ZNF699: variants seen among roughly 807,000 people sequenced by gnomAD.
The protein encoded by ZNF699 is hangover homolog.
Under a neutral mutation model 22.5 loss-of-function variants are expected in ZNF699, and 18 were observed. The observed-to-expected ratio is 0.80, with a 90% confidence interval of 0.55 to 1.19. The LOEUF is 1.19. ZNF699 is among the 50% of genes most tolerant of loss of function. The pLI is 0.00. For missense variants in ZNF699, 670 were observed against 763.4 expected (o/e 0.88, Z 1.44); for synonymous variants, 241 against 262.3 (o/e 0.92, Z 0.78).
chr19:9,303,506 A>G (rs905387261), intron 2 of ZNF699, among the ~76,000 whole-genome samples: 2 of 152,212 alleles, frequency 1.3e-5, no homozygotes, highest in African/African-American at 2.4e-5. Flanking sequence ...GTATGCTGGG[A>G]AGGGGTGCAG....
In ZNF699 at chr19:9,302,493, GACT is replaced by G. The variant is rs747191880; in HGVS notation, c.57_59del (p.Val20del). On this transcript the variant is annotated inframe_deletion, in exon 3 of 6. Coordinates refer to ENST00000591998, the MANE Select transcript of ZNF699 (RefSeq NM_198535.3). ...TAAAGTCCACAGCCACATCCTCAAA[GACT>G]ACTGAGTCCTAAAACATACCACAAA... 4 of 1,612,576 alleles carry G rather than the reference GACT, an allele frequency of 2.5e-6. No individual in the cohort carries two copies. The highest frequency in any genetic ancestry group is 1.3e-5 in the African/African-American group (1 of 74,834).
intron 2 of ZNF699, 138 bp downstream of exon 2, chr19:9,304,934 A>AC (rs2066321805): frequency 9.9e-6 from 6 of 606,214 alleles, no homozygotes; most frequent in Admixed American, 3.7e-5. Flanking sequence ...AAAAAAAAAA[A>AC]AAAAAACTAT....
At chr19:9,300,798 G>C (rs1159069770) in intron 3 of ZNF699, among the ~76,000 whole-genome samples, 1 of 152,044 alleles carries the variant, frequency 6.6e-6, no homozygotes, top group Non-Finnish European at 1.5e-5. Context: ...AGGGAAGGAG[G>C]GATGAATTGA....
rs2066323013 is a variant in ZNF699, at chr19:9,305,205, C to T, written c.-5-81G>A. On this transcript the variant is annotated intron_variant, in intron 1 of 5. Coordinates refer to ENST00000591998, the MANE Select transcript of ZNF699 (RefSeq NM_198535.3). ...AATCCAGACCTCCCCAAAATTCCCA[C>T]ACTCATGAGCCTGGATGTTGCAGCC... is the stretch of plus-strand genomic sequence containing the variant. The T allele has an allele frequency of 4.3e-6, 5 of 1,157,924 alleles. No individual in the cohort carries two copies. In the Admixed American group the frequency reaches 9.2e-5, roughly 21 times the overall value. 71.7% of individuals were successfully genotyped at this position (1,157,924 alleles called of 1,614,324 possible). A position where few individuals can be genotyped will look rare whatever the true frequency, so the allele number is the denominator to read the frequency against.
chr19:9,297,127 A>G lies in ZNF699; in HGVS notation c.470+169T>C, dbSNP rs1192922148. 1.3e-5 allele frequency among the ~76,000 whole-genome samples: 2 copies of G among 152,222 alleles called. No homozygotes were observed. The highest frequency in any genetic ancestry group is 2.9e-5 in the Non-Finnish European group (2 of 68,044). On this transcript the variant is annotated intron_variant, in intron 5 of 5. Coordinates refer to ENST00000591998, the MANE Select transcript of ZNF699 (RefSeq NM_198535.3). The surrounding 1 kb of genome is among the most constrained non-coding windows in gnomAD (Gnocchi z 4.3). ...TTTACAACTGAAGTATGTGTCAAAC[A>G]TTCAAAATCCCGGTCTCATTTGTGG...
chr19:9,304,643 C>T (rs760649452), intron 2 of ZNF699, among the ~76,000 whole-genome samples: 1 of 152,090 alleles, frequency 6.6e-6, no homozygotes. Flanking sequence ...ACACTACGGC[C>T]GGCCGGGCAC....
At chr19:9,302,260 T>C in intron 3 of ZNF699, 118 bp downstream of exon 3, 1 of 1,212,172 alleles carries the variant, frequency 8.2e-7, no homozygotes, top group Non-Finnish European at 1.2e-6. Flanking sequence ...TCAGTGACCA[T>C]ATCTGTCTTA....
Position 9,294,002 on chromosome 19 carries a change from G to C in ZNF699, c.*1473C>G, listed in dbSNP as rs2066275869. ...TATAAATCTTCCTCCATTAAAACAG[G>C]ATGATACCCTGTGGATGCTTACCTC... is the stretch of plus-strand genomic sequence containing the variant. On this transcript the variant is annotated 3_prime_UTR_variant, in exon 6 of 6. Transcript: ENST00000591998. Among the ~76,000 whole-genome samples, 2 of 151,368 alleles carry C rather than the reference G, an allele frequency of 1.3e-5. No individual in the cohort carries two copies. The highest frequency in any genetic ancestry group is 2.1e-4 in the South Asian group (1 of 4,806).
intron 1 of ZNF699, among the ~76,000 whole-genome samples, chr19:9,309,136 CTTTTTTT>C (rs61471638): frequency 1.6e-3 from 163 of 104,840 alleles, no homozygotes; most frequent in African/African-American, 3.2e-3. Context: ...TTTTATTTTA[CTTTTTTT>C]TTTTTTTTTT....
intron 1 of ZNF699, 62 bp from the exon 2 acceptor site, chr19:9,305,186 G>C: frequency 6.9e-7 from 1 of 1,455,194 alleles, no homozygotes. Context: ...TGAGAATCCA[G>C]ACCTCCCCAA....
chr19:9,307,138 T>C (rs573032022), intron 1 of ZNF699, among the ~76,000 whole-genome samples: 2 of 152,200 alleles, frequency 1.3e-5, no homozygotes, highest in African/African-American at 4.8e-5. Context: ...GAGGCAGAGG[T>C]TGCAGTAAGC....
Position 9,296,799 on chromosome 19 carries a change from T to C in ZNF699, c.605A>G (p.Lys202Arg). The C allele has an allele frequency of 1.9e-6, 3 of 1,614,202 alleles. No individual in the cohort carries two copies. Among genetic ancestry groups the C allele is most frequent in the Non-Finnish European group, 1.7e-6 (2 of 1,180,028 alleles). The change falls in exon 6 of 6, where the codon AAG becomes AGG. Residue 202 changes from lysine (K) to arginine (R), a missense_variant. By Grantham distance (26) the Lys-to-Arg change is conservative (BLOSUM62 2). Transcript: ENST00000591998. ...VKSCECHECG[K>R]AFVDHSSLKS... The stretch of plus-strand genomic sequence containing the variant: ...AAGGGATGAATGATCCACGAAGGCC[T>C]TTCCACACTCATGGCATTCACAGGA...
chr19:9,298,019 G>A (rs1346498776), intron 3 of ZNF699, 29 bp from the exon 4 acceptor site: 3 of 1,418,888 alleles, frequency 2.1e-6, no homozygotes, highest in Non-Finnish European at 3.0e-6. Context: ...ATATCACGAG[G>A]GAAAATAATG....
intron 3 of ZNF699, among the ~76,000 whole-genome samples, chr19:9,301,707 A>G (rs562760756): frequency 6.6e-6 from 1 of 152,254 alleles, no homozygotes; most frequent in Admixed American, 6.5e-5. Flanking sequence ...TTTAACTATA[A>G]GTGTGTTCTG....
At chr19:9,301,979 C>T (rs1432588202) in intron 3 of ZNF699, among the ~76,000 whole-genome samples, 3 of 151,462 alleles carry the variant, frequency 2.0e-5, no homozygotes, top group African/African-American at 7.3e-5. Flanking sequence ...CTTGGCTCAC[C>T]GTAACCTCCA....
chr19:9,297,180 T>C lies in ZNF699; in HGVS notation c.470+116A>G. 1 of 1,159,990 alleles carries C rather than the reference T, an allele frequency of 8.6e-7. No individual in the cohort carries two copies. Among genetic ancestry groups the C allele is most frequent in the Non-Finnish European group, 1.2e-6 (1 of 840,408 alleles). The allele number at this position is 1,159,990 out of a possible 1,614,324, so 71.9% of individuals were successfully genotyped here. On this transcript the variant is annotated intron_variant, in intron 5 of 5. Coordinates refer to ENST00000591998, the MANE Select transcript of ZNF699 (RefSeq NM_198535.3). The surrounding 1 kb of genome is among the most constrained non-coding windows in gnomAD (Gnocchi z 4.3). ...AAAATTAACTCATGAAAATTCTTTC[T>C]CAAACCACAATCTTTGATCTAGGCT... is the stretch of plus-strand genomic sequence containing the variant.
chr19:9,298,424 C>A (rs1260422909), intron 3 of ZNF699, among the ~76,000 whole-genome samples: 1 of 141,970 alleles, frequency 7.0e-6, no homozygotes, highest in Non-Finnish European at 1.5e-5. Flanking sequence ...CCCGCCCGGG[C>A]GACAGAGCGA....
At position 9,294,770 on chromosome 19, in the gene ZNF699, T is replaced by G. The variant is rs1467390080; in HGVS notation, c.*705A>C. On this transcript the variant is annotated 3_prime_UTR_variant, in exon 6 of 6. Transcript: ENST00000591998. ...AATAGTATATTAAATTAATTTCTGC[T>G]GAAATTACTCACTAGACAATAAAAG... 5 of 152,148 alleles carry G rather than the reference T, an allele frequency of 3.3e-5. No individual in the cohort carries two copies. Among genetic ancestry groups the G allele is most frequent in the Non-Finnish European group, 7.3e-5 (5 of 68,032 alleles). 9.4% of individuals were successfully genotyped at this position (152,148 alleles called of 1,614,324 possible). A position where few individuals can be genotyped will look rare whatever the true frequency, so the allele number is the denominator to read the frequency against.
At chr19:9,304,386 AT>A (rs1373131301) in intron 2 of ZNF699, among the ~76,000 whole-genome samples, 2 of 150,752 alleles carry the variant, frequency 1.3e-5, no homozygotes, top group Non-Finnish European at 2.9e-5. Context: ...GCAGCCTTTC[AT>A]TTTTTTCCCC....
Sources: gnomAD v4.1 joint callset for allele counts (sites outside exome capture counted in the v4.1 genomes callset) on GRCh38, gnomAD v4.1.1 for gene constraint, Gnocchi (gnomAD v3.1) non-coding constraint, MANE v1.5 for transcripts, NCBI Gene and HGNC (gene_info 2026-07-23, HGNC 2026-07-21) for gene names.